SLC8A1: variants seen among roughly 807,000 people sequenced by gnomAD.
The protein encoded by SLC8A1 is sodium/calcium exchanger 1.
In SLC8A1, 18 loss-of-function variants were observed where a neutral mutation model predicts 68.3. The ratio of observed to expected loss-of-function variants is 0.26; its 90% confidence interval spans 0.18 to 0.39. The LOEUF (loss-of-function observed/expected upper bound fraction) is 0.39, where lower values mean the gene tolerates loss of function less well. SLC8A1 is among the 10% of genes least tolerant of loss of function. The pLI is 1.00. For missense variants in SLC8A1, 985 were observed against 1,156.7 expected (o/e 0.85, Z 2.15); for synonymous variants, 475 against 415.5 (o/e 1.14, Z -1.74).
At chr2:40,370,564 T>G (rs1379213383) in intron 2 of SLC8A1, among the ~76,000 whole-genome samples, 1 of 152,116 alleles carries the variant, frequency 6.6e-6, no homozygotes, top group Non-Finnish European at 1.5e-5. Context: ...TTCTTAGATA[T>G]CTTATTCTTA....
rs1276749520 is a variant in SLC8A1, at chr2:40,227,035, T to C, written c.1809-49180A>G. ...ATGGGACTCACCATCAAGTTTTAAA[T>C]GGGGTAGTGGACAGTAATACTTCCA... On this transcript the variant is annotated intron_variant, in intron 2 of 7. Coordinates refer to ENST00000406785, the Ensembl canonical transcript of SLC8A1. Among the ~76,000 whole-genome samples, 35 of 152,098 alleles carry C rather than the reference T, an allele frequency of 2.3e-4. 1 individual carries two copies. The highest frequency in any genetic ancestry group is 2.9e-5 in the Non-Finnish European group (2 of 67,996).
At chr2:40,501,996 C>G (rs571958590) in intron 1 of SLC8A1, among the ~76,000 whole-genome samples, 1 of 152,028 alleles carries the variant, frequency 6.6e-6, no homozygotes, top group Admixed American at 6.6e-5. Context: ...CATCTCTAGA[C>G]GTCTTAACAT....
At chr2:40,171,934 T>C (rs2047564227) in intron 4 of SLC8A1, among the ~76,000 whole-genome samples, 1 of 152,212 alleles carries the variant, frequency 6.6e-6, no homozygotes, top group African/African-American at 2.4e-5. Flanking sequence ...TGTCCATCAC[T>C]AATGAGATCT....
chr2:40,156,008 T>C (rs2044400429), intron 6 of SLC8A1, among the ~76,000 whole-genome samples: 1 of 152,336 alleles, frequency 6.6e-6, no homozygotes, highest in Admixed American at 6.5e-5. Flanking sequence ...CTCACTTGGC[T>C]TTCTTTGAGG....
chr2:40,141,872 C>T (rs570853565), intron 6 of SLC8A1, among the ~76,000 whole-genome samples: 18 of 152,184 alleles, frequency 1.2e-4, no homozygotes, highest in African/African-American at 3.4e-4. Flanking sequence ...CAGGGATGTG[C>T]GTGCACAGAG....
At chr2:40,155,060 C>G (rs1002832613) in intron 6 of SLC8A1, among the ~76,000 whole-genome samples, 10 of 151,874 alleles carry the variant, frequency 6.6e-5, no homozygotes, top group African/African-American at 2.4e-4. Flanking sequence ...TTGGTAACAC[C>G]CTCCTCCTTT....
chr2:40,175,383 C>G lies in SLC8A1; in HGVS notation c.1913-541G>C, dbSNP rs558854156. The G allele has an allele frequency of 2.9e-5, 34 of 1,185,716 alleles. No homozygotes were observed. In the African/African-American group the frequency reaches 3.9e-4, roughly 14 times the overall value. The allele number at this position is 1,185,716 out of a possible 1,614,324, so 73.4% of individuals were successfully genotyped here. On this transcript the variant is annotated intron_variant, in intron 3 of 7. Coordinates refer to ENST00000406785, the Ensembl canonical transcript of SLC8A1. ...AAAGAAATCCAGGCAGATCTGATTA[C>G]AGTGGTAGGGAGCCACTGCTAAAAA... is the stretch of plus-strand genomic sequence containing the variant.
chr2:40,133,373 A>G (rs2039785745), intron 7 of SLC8A1, among the ~76,000 whole-genome samples: 1 of 125,448 alleles, frequency 8.0e-6, no homozygotes, highest in Admixed American at 9.0e-5. Context: ...TTTATTAAAA[A>G]GGTTCTATAT....
intron 7 of SLC8A1, among the ~76,000 whole-genome samples, chr2:40,122,638 CATT>C (rs2037171142): frequency 6.6e-6 from 1 of 152,076 alleles, no homozygotes; most frequent in South Asian, 2.1e-4. Flanking sequence ...GTGGCTGGAG[CATT>C]GGTATTTATC....
At chr2:40,443,851 A>G (rs1170274604) in intron 1 of SLC8A1, among the ~76,000 whole-genome samples, 2 of 152,202 alleles carry the variant, frequency 1.3e-5, no homozygotes, top group Non-Finnish European at 2.9e-5. Context: ...CATCTATAAT[A>G]TAACACCTGT....
chr2:40,411,317 G>A (rs1253696723), intron 2 of SLC8A1, among the ~76,000 whole-genome samples: 1 of 152,008 alleles, frequency 6.6e-6, no homozygotes, highest in Non-Finnish European at 1.5e-5. Flanking sequence ...AACCCTTAAA[G>A]TACTTCCATA....
intron 2 of SLC8A1, among the ~76,000 whole-genome samples, chr2:40,305,722 C>A (rs192859216): frequency 6.6e-6 from 1 of 152,156 alleles, no homozygotes; most frequent in African/African-American, 2.4e-5. Context: ...ACTTCACTGA[C>A]ATAATTCACT....
At chr2:40,375,781 T>C (rs943303604) in intron 2 of SLC8A1, among the ~76,000 whole-genome samples, 1 of 152,082 alleles carries the variant, frequency 6.6e-6, no homozygotes, top group East Asian at 1.9e-4. Context: ...GGCAGGCAGA[T>C]TGCTTGAGCT....
At chr2:40,326,175 C>A (rs529094373) in intron 2 of SLC8A1, among the ~76,000 whole-genome samples, 1 of 152,096 alleles carries the variant, frequency 6.6e-6, no homozygotes, top group African/African-American at 2.4e-5. Flanking sequence ...CCAGCCTCTT[C>A]GAACTCAGAG....
At chr2:40,127,894 G>C (rs1054988564) in intron 7 of SLC8A1, among the ~76,000 whole-genome samples, 1 of 152,178 alleles carries the variant, frequency 6.6e-6, no homozygotes, top group Non-Finnish European at 1.5e-5. Context: ...CTGAACAAAG[G>C]TTATAAAATA....
chr2:40,127,505 G>A (rs2148169146), intron 7 of SLC8A1, among the ~76,000 whole-genome samples: 1 of 152,294 alleles, frequency 6.6e-6, no homozygotes, highest in East Asian at 1.9e-4. Flanking sequence ...ATCCTTCACA[G>A]AAGGACATTT....
intron 2 of SLC8A1, among the ~76,000 whole-genome samples, chr2:40,257,493 G>T (rs1380586212): frequency 6.6e-6 from 1 of 151,134 alleles, no homozygotes; most frequent in East Asian, 1.9e-4. Flanking sequence ...AACATCATCA[G>T]TGAGGTCCCA....
At chr2:40,272,698 C>T in intron 2 of SLC8A1, among the ~76,000 whole-genome samples, 1 of 152,268 alleles carries the variant, frequency 6.6e-6, no homozygotes, top group Middle Eastern at 3.4e-3. Context: ...TCAGGCAATG[C>T]CCTTTTAACA....
rs138298362 is a variant in SLC8A1, at chr2:40,398,216, C to T, written c.1808+30257G>A. Among the ~76,000 whole-genome samples, 475 of 152,280 alleles carry T rather than the reference C, an allele frequency of 3.1e-3. 4 individuals carry two copies. The highest frequency in any genetic ancestry group is 0.014 in the Middle Eastern group (4 of 294). Reference sequence around the variant, plus strand: ...TACAACGTGCCTTGGTCCCTTCTCCCTAGTCTTGGTCAGCTTCTTCAATTC... The same window carrying T: ...TACAACGTGCCTTGGTCCCTTCTCCTTAGTCTTGGTCAGCTTCTTCAATTC... On this transcript the variant is annotated intron_variant, in intron 2 of 7. Coordinates refer to ENST00000406785, the Ensembl canonical transcript of SLC8A1.
Sources: gnomAD v4.1 joint callset for allele counts (sites outside exome capture counted in the v4.1 genomes callset) on GRCh38, gnomAD v4.1.1 for gene constraint, MANE v1.5 for transcripts, NCBI Gene and HGNC (gene_info 2026-07-23, HGNC 2026-07-21) for gene names.